The following SCFD1 variants were observed in gnomAD, a reference collection of about 807,000 sequenced individuals.
The protein encoded by SCFD1 is sec1 family domain containing 1, also known as sec1 family domain-containing protein 1.
A neutral mutation model predicts 103.2 loss-of-function variants in SCFD1; 37 were observed. That is an observed-to-expected ratio of 0.36 (90% confidence interval 0.28 to 0.47). SCFD1 has a LOEUF of 0.47. Ranked by LOEUF, SCFD1 falls within the 20% of genes least tolerant of loss-of-function variation. SCFD1 has a pLI of 1.00. For synonymous variants in SCFD1, 264 were observed against 245.0 expected, an observed-to-expected ratio of 1.08 and a Z score of -0.73; for missense variants, 639 against 761.2, an observed-to-expected ratio of 0.84 and a Z score of 1.89.
intron 7 of SCFD1, among the ~76,000 whole-genome samples, chr14:30,646,978 TTG>T (rs1194813336): frequency 2.0e-5 from 3 of 152,168 alleles, no homozygotes; most frequent in African/African-American, 7.2e-5. Flanking sequence ...TCATTTCTCA[TTG>T]TGTTTATTTG....
chr14:30,724,260 T>G (rs1207826637), intron 23 of SCFD1, among the ~76,000 whole-genome samples: 30 of 136,600 alleles, frequency 2.2e-4, no homozygotes, highest in African/African-American at 4.8e-4. Flanking sequence ...TTTTTTTTTT[T>G]TTTTTTTTTT....
chr14:30,711,432 A>C (rs1891861897), intron 19 of SCFD1, among the ~76,000 whole-genome samples: 1 of 152,186 alleles, frequency 6.6e-6, no homozygotes, highest in African/African-American at 2.4e-5. Context: ...ACATGGCAAA[A>C]GTCCATCTAT....
rs766803711 is a variant in SCFD1, at chr14:30,700,239, C to T, written c.1391C>T (p.Thr464Ile). The T allele has an allele frequency of 2.5e-6, 4 of 1,607,862 alleles. No individual in the cohort carries two copies. In the Admixed American group the frequency reaches 6.7e-5, roughly 27 times the overall value. Reference sequence around the variant, plus strand: ...TTGTTTCTTATCTATTATATAAGCACACAGCAAGCACCTTCTGAGGTATGT... The same window carrying T: ...TTGTTTCTTATCTATTATATAAGCATACAGCAAGCACCTTCTGAGGTATGT... Reference protein sequence around the residue: ...MRLFLIYYISTQQAPSEADLE... With the variant: ...MRLFLIYYISIQQAPSEADLE... Residue 464 changes from threonine (T) to isoleucine (I), a missense_variant, in exon 16 of 25, where the codon ACA becomes ATA. Transcript: ENST00000458591.
intron 7 of SCFD1, among the ~76,000 whole-genome samples, chr14:30,646,690 A>T (rs955387678): frequency 1.3e-5 from 2 of 152,136 alleles, no homozygotes; most frequent in Non-Finnish European, 2.9e-5. Flanking sequence ...TATTAGTAGT[A>T]TTGGTGCCAG....
chr14:30,681,581 C>T (rs553547837), intron 14 of SCFD1, among the ~76,000 whole-genome samples: 7 of 126,320 alleles, frequency 5.5e-5, no homozygotes, highest in African/African-American at 1.8e-4. Flanking sequence ...CTGATAAAAG[C>T]TCACAAATAA....
chr14:30,681,620 T>TTTTTTTTTTTTTTTTTTTAG, intron 14 of SCFD1, among the ~76,000 whole-genome samples: 1 of 151,500 alleles, frequency 6.6e-6, no homozygotes, highest in South Asian at 2.1e-4. Context: ...GTTATAATGT[T>TTTTTTTTTTTTTTTTTTTAG]AATTCTCAAA....
intron 21 of SCFD1, among the ~76,000 whole-genome samples, chr14:30,721,099 G>C (rs1238863198): frequency 4.6e-5 from 7 of 152,104 alleles, no homozygotes; most frequent in African/African-American, 1.7e-4. Context: ...CTGGAACACT[G>C]AAGAGGCATT....
At chr14:30,716,445 G>C (rs1300184932) in intron 20 of SCFD1, among the ~76,000 whole-genome samples, 1 of 152,116 alleles carries the variant, frequency 6.6e-6, no homozygotes, top group Non-Finnish European at 1.5e-5. Context: ...GAAATCATTG[G>C]GTGAATAGAC....
At chr14:30,639,683 C>T (rs1312661473) in intron 5 of SCFD1, 94 bp from the exon 6 acceptor site, 10 of 1,270,190 alleles carry the variant, frequency 7.9e-6, no homozygotes, top group African/African-American at 6.2e-5. Context: ...GATTTTTTTT[C>T]ATTTCTACCA....
At chr14:30,731,042 G>T (rs1463658710) in intron 23 of SCFD1, among the ~76,000 whole-genome samples, 1 of 152,168 alleles carries the variant, frequency 6.6e-6, no homozygotes, top group African/African-American at 2.4e-5. Flanking sequence ...GTGTAAGGAA[G>T]GGATCCAGTT....
chr14:30,638,035 T>C (rs1465256057), intron 4 of SCFD1, 90 bp from the exon 5 acceptor site: 20 of 1,353,386 alleles, frequency 1.5e-5, no homozygotes, highest in Non-Finnish European at 1.7e-5. Flanking sequence ...ATCCTGTCTT[T>C]TAAATATAAC....
rs1269609623 is a variant in SCFD1 at position 30,722,569 on chromosome 14, A to G, written c.1836+10A>G. On this transcript the variant is annotated intron_variant, in intron 23 of 24. Coordinates refer to ENST00000458591, the MANE Select transcript of SCFD1 (RefSeq NM_016106.4). ...TGTTGACTACATAAAGGTACATTTT[A>G]TTTAGCCTTTTTATTCTGTTGTTAG... 6.4e-7 allele frequency: 1 copy of G among 1,561,268 alleles called. No homozygotes were observed. Among genetic ancestry groups the G allele is most frequent in the African/African-American group, 1.4e-5 (1 of 73,558 alleles).
At chr14:30,674,918 A>G (rs181370079) in intron 13 of SCFD1, 66 bp from the exon 14 acceptor site, 82 of 869,676 alleles carry the variant, frequency 9.4e-5, no homozygotes, top group Middle Eastern at 7.3e-4. Flanking sequence ...AACACCAGGC[A>G]TGAGATAAAG....
At position 30,675,477 on chromosome 14, in the gene SCFD1, T is replaced by G. The variant is rs369639109; in HGVS notation, c.1242+412T>G. The G allele has an allele frequency of 2.0e-5, 3 of 153,196 alleles. No homozygotes were observed. In the East Asian group the frequency reaches 5.7e-4, roughly 29 times the overall value. 9.5% of individuals were successfully genotyped at this position (153,196 alleles called of 1,614,324 possible). A position where few individuals can be genotyped will look rare whatever the true frequency, so the allele number is the denominator to read the frequency against. On this transcript the variant is annotated intron_variant, in intron 14 of 24. Coordinates refer to ENST00000458591, the MANE Select transcript of SCFD1 (RefSeq NM_016106.4). ...TGACTTTGTTCTGAACTTTTTAAATTTAGAGAATCTGTTAACATTGAAGCT... is the reference window on the plus strand; with the variant it reads ...TGACTTTGTTCTGAACTTTTTAAATGTAGAGAATCTGTTAACATTGAAGCT...
At chr14:30,636,271 T>G (rs529843126) in intron 4 of SCFD1, among the ~76,000 whole-genome samples, 8 of 152,148 alleles carry the variant, frequency 5.3e-5, no homozygotes, top group Admixed American at 4.6e-4. Flanking sequence ...TATCGGTTTT[T>G]TTTTTTCTTG....
intron 10 of SCFD1, 58 bp from the exon 11 acceptor site, chr14:30,670,198 A>T: frequency 2.9e-6 from 4 of 1,381,010 alleles, no homozygotes; most frequent in East Asian, 4.8e-5. Flanking sequence ...GGGCAACAAG[A>T]TTCTATTTTT....
chr14:30,734,937 A>C (rs1594784678), intron 24 of SCFD1, 79 bp downstream of exon 24: 8 of 1,189,848 alleles, frequency 6.7e-6, no homozygotes, highest in Admixed American at 3.7e-5. Context: ...GAGAAAGAAA[A>C]CCACTTACTC....
intron 7 of SCFD1, among the ~76,000 whole-genome samples, chr14:30,646,712 A>G (rs372003406): frequency 1.3e-4 from 20 of 152,196 alleles, no homozygotes; most frequent in African/African-American, 4.8e-4. Context: ...TCTTCTTTGT[A>G]TATCTGTTAG....
chr14:30,683,047 A>G (rs1448804103), intron 14 of SCFD1: 3 of 1,353,240 alleles, frequency 2.2e-6, no homozygotes, highest in Non-Finnish European at 3.1e-6. Flanking sequence ...AGCCTGGGTC[A>G]GGGCTCCTGA....
Sources: allele counts gnomAD v4.1 joint callset (sites outside exome capture counted in the v4.1 genomes callset), GRCh38; gene constraint gnomAD v4.1.1; transcripts MANE v1.5; gene names NCBI Gene and HGNC (gene_info 2026-07-23, HGNC 2026-07-21).